The following UNC13C variants were observed in gnomAD, a reference collection of about 807,000 sequenced individuals.
The protein encoded by UNC13C is unc-13 homolog C.
Under a neutral mutation model 245.4 loss-of-function variants are expected in UNC13C, and 174 were observed. The ratio of observed to expected loss-of-function variants is 0.71; its 90% CI spans 0.63 to 0.80. The LOEUF (loss-of-function observed/expected upper bound fraction) is 0.80. UNC13C is among the 30% of genes least tolerant of loss of function. The pLI, the probability that UNC13C is intolerant of heterozygous loss-of-function variation, is 0.00. For missense variants in UNC13C, 2,829 were observed against 2,602.9 expected (o/e 1.09, Z -1.89); for synonymous variants, 992 against 895.1 (o/e 1.11, Z -1.93).
At chr15:54,379,279 A>C (rs769730701) in intron 17 of UNC13C, among the ~76,000 whole-genome samples, 3 of 152,130 alleles carry the variant, frequency 2.0e-5, no homozygotes, top group Non-Finnish European at 4.4e-5. Flanking sequence ...CTAGTAAACT[A>C]TTCCACTTCC....
the UNC13C span, among the ~76,000 whole-genome samples, chr15:53,843,600 A>T: frequency 9.9e-5 from 15 of 152,104 alleles, no homozygotes; most frequent in Admixed American, 2.0e-4. Context: ...GAAAAGGACC[A>T]AGGCTAGAGG....
At chr15:54,172,492 T>A (rs1201944752) in intron 4 of UNC13C, among the ~76,000 whole-genome samples, 1 of 151,444 alleles carries the variant, frequency 6.6e-6, no homozygotes, top group Non-Finnish European at 1.5e-5. Context: ...CATAACGTGG[T>A]TGAATGTATT....
chr15:53,901,313 G>A, the UNC13C span, among the ~76,000 whole-genome samples: 11 of 150,312 alleles, frequency 7.3e-5, no homozygotes, highest in Non-Finnish European at 1.2e-4. Flanking sequence ...TCCACCTCCC[G>A]GGTTCATGCC....
the UNC13C span, among the ~76,000 whole-genome samples, chr15:53,935,438 GA>G: frequency 6.6e-6 from 1 of 152,110 alleles, no homozygotes; most frequent in East Asian, 1.9e-4. Flanking sequence ...GAATCACAAA[GA>G]AATGTATAGA....
chr15:53,898,805 C>T, the UNC13C span, among the ~76,000 whole-genome samples: 1 of 152,182 alleles, frequency 6.6e-6, no homozygotes, highest in Admixed American at 6.5e-5. Flanking sequence ...TGAGTATCTA[C>T]TTCCATAACA....
At chr15:54,592,807 A>T (rs1420815447) in intron 30 of UNC13C, among the ~76,000 whole-genome samples, 1 of 149,544 alleles carries the variant, frequency 6.7e-6, no homozygotes, top group Non-Finnish European at 1.5e-5. Context: ...TAGTATTGAA[A>T]TGTGAGGTAC....
Position 54,334,550 on chromosome 15 carries a change from T to A in UNC13C, c.4584+694T>A, listed in dbSNP as rs996795705. Among the ~76,000 whole-genome samples, 6 of 152,090 alleles carry A rather than the reference T, an allele frequency of 3.9e-5. No individual in the cohort carries two copies. The South Asian group carries it at 6.2e-4, about 16-fold the overall frequency. ...ATAGCAACAATTTTTTTCTTTGCAT[T>A]TGCCCATAATTTTTTTCACTAGAAC... On this transcript the variant is annotated intron_variant, in intron 16 of 32. Transcript: ENST00000260323.
At chr15:54,388,704 A>G (rs8030092) in intron 17 of UNC13C, among the ~76,000 whole-genome samples, 8,167 of 152,156 alleles carry the variant, frequency 0.054, 420 homozygotes, top group African/African-American at 0.13. Flanking sequence ...TGTCTCTTAT[A>G]AAATTTTATT....
At chr15:54,004,035 C>A (rs116228208) in intron 1 of UNC13C, among the ~76,000 whole-genome samples, 1,530 of 152,142 alleles carry the variant, frequency 0.01, 25 homozygotes, top group African/African-American at 0.036. Context: ...ACAAAACAAA[C>A]AAACAAACAA....
At chr15:54,063,743 A>G (rs1276885279) in intron 2 of UNC13C, among the ~76,000 whole-genome samples, 2 of 152,206 alleles carry the variant, frequency 1.3e-5, no homozygotes, top group African/African-American at 4.8e-5. Context: ...AAGCAATGCT[A>G]TGCTTCCATT....
chr15:54,459,505 T>C (rs539527624), intron 19 of UNC13C, among the ~76,000 whole-genome samples: 31 of 152,314 alleles, frequency 2.0e-4, no homozygotes, highest in Non-Finnish European at 3.7e-4. Context: ...AACTTTTTGA[T>C]TTTTCTTCCT....
At chr15:54,186,840 T>TATATATATATATATATATAC (rs2034003178) in intron 4 of UNC13C, among the ~76,000 whole-genome samples, 1 of 136,362 alleles carries the variant, frequency 7.3e-6, no homozygotes, top group Non-Finnish European at 1.6e-5. Flanking sequence ...GAACATAATA[T>TATATATATATATATATATAC]ATATGTATAT....
At chr15:54,599,237 A>G (rs552498268) in intron 30 of UNC13C, among the ~76,000 whole-genome samples, 1 of 152,246 alleles carries the variant, frequency 6.6e-6, no homozygotes, top group East Asian at 1.9e-4. Context: ...AAATAATCAC[A>G]TTAGTAACTA....
At chr15:54,332,232 T>C (rs2140995358) in intron 15 of UNC13C, 121 bp downstream of exon 15, 2 of 673,476 alleles carry the variant, frequency 3.0e-6, no homozygotes, top group Non-Finnish European at 4.9e-6. Context: ...CAGGTGCTGT[T>C]ACCCTTAGAA....
chr15:53,939,377 G>A, the UNC13C span, among the ~76,000 whole-genome samples: 5 of 152,194 alleles, frequency 3.3e-5, no homozygotes, highest in East Asian at 1.9e-4. Context: ...CCCGGGACCC[G>A]ATGGATTTAC....
In UNC13C at chr15:54,220,338, T is replaced by G. The variant is rs1320372556; in HGVS notation, c.3072-14692T>G. ...GGAAATCATCATTCTCAGTAAACTATGGCAAGGACAAGGAACCAAACAGCG... is the reference window on the plus strand; with the variant it reads ...GGAAATCATCATTCTCAGTAAACTAGGGCAAGGACAAGGAACCAAACAGCG... On this transcript the variant is annotated intron_variant, in intron 4 of 32. Transcript: ENST00000260323. Among the ~76,000 whole-genome samples the G allele has an allele frequency of 3.4e-5, 5 of 149,184 alleles. No individual in the cohort carries two copies. In the East Asian group the frequency reaches 9.8e-4, roughly 29 times the overall value.
intron 19 of UNC13C, among the ~76,000 whole-genome samples, chr15:54,480,447 G>T (rs1336850386): frequency 1.4e-5 from 2 of 148,112 alleles, no homozygotes; most frequent in East Asian, 2.0e-4. Flanking sequence ...GTCTGGCTGG[G>T]TTATCTCAAA....
chr15:54,359,753 C>T (rs989416618), intron 17 of UNC13C, among the ~76,000 whole-genome samples: 1 of 151,774 alleles, frequency 6.6e-6, no homozygotes, highest in Admixed American at 6.6e-5. Context: ...TTTGTACTTA[C>T]ACTAACTAAA....
intron 2 of UNC13C, among the ~76,000 whole-genome samples, chr15:54,101,417 G>A (rs1288548387): frequency 6.6e-6 from 1 of 151,842 alleles, no homozygotes; most frequent in South Asian, 2.1e-4. Context: ...TTTCTCCATT[G>A]TTTATAGCTA....
Sources: gnomAD v4.1 joint callset for allele counts (sites outside exome capture counted in the v4.1 genomes callset) on GRCh38, gnomAD v4.1.1 for gene constraint, MANE v1.5 for transcripts, NCBI Gene and HGNC (gene_info 2026-07-23, HGNC 2026-07-21) for gene names.